SEPTIN14: variants seen among roughly 807,000 people sequenced by gnomAD.
SEPTIN14 encodes the protein septin 14.
In SEPTIN14, 40 loss-of-function variants were observed where a neutral mutation model predicts 53.6. That is an observed-to-expected ratio of 0.75 (90% CI 0.58 to 0.97). The LOEUF is 0.97. SEPTIN14 is among the 50% of genes least tolerant of loss of function. The probability of loss-of-function intolerance (pLI) is 0.00; values close to 1 mark genes in which losing one functional copy is unlikely to be tolerated. For missense variants in SEPTIN14, 471 were observed against 508.2 expected, an observed-to-expected ratio of 0.93 and a Z score of 0.70; for synonymous variants, 138 against 166.8, an observed-to-expected ratio of 0.83 and a Z score of 1.33.
chr7:55,847,767 G>T (rs1257347689), intron 2 of SEPTIN14, among the ~76,000 whole-genome samples: 1 of 152,062 alleles, frequency 6.6e-6, no homozygotes, highest in Non-Finnish European at 1.5e-5. Flanking sequence ...ACCCTCTGAG[G>T]ACTTGTGTTA....
Position 55,819,227 on chromosome 7 carries a change from G to A in SEPTIN14, c.721-4C>T, listed in dbSNP as rs773160433. 4.6e-6 allele frequency: 7 copies of A among 1,532,518 alleles called. No individual in the cohort carries two copies. The South Asian group carries it at 4.8e-5, about 10-fold the overall frequency. The allele number at this position is 1,532,518 out of a possible 1,614,324, so 94.9% of individuals were successfully genotyped here. A position where few individuals can be genotyped will look rare whatever the true frequency, so the allele number is the denominator to read the frequency against. On this transcript the variant is annotated splice_polypyrimidine_tract_variant and splice_region_variant and intron_variant, in intron 6 of 9. Coordinates refer to ENST00000388975, the MANE Select transcript of SEPTIN14 (RefSeq NM_207366.3). ...CCACAGCAAAGGGTAACAGCCCCTA[G>A]AAAACAAGAATGACATGAATTGAAT...
chr7:55,829,458 T>A (rs1789054019), intron 6 of SEPTIN14, among the ~76,000 whole-genome samples: 2 of 150,884 alleles, frequency 1.3e-5, no homozygotes, highest in African/African-American at 4.9e-5. Context: ...GACAGAAGAT[T>A]CAAGTAAGCA....
chr7:55,799,789 G>A (rs2115949420), intron 9 of SEPTIN14, among the ~76,000 whole-genome samples: 1 of 152,212 alleles, frequency 6.6e-6, no homozygotes, highest in African/African-American at 2.4e-5. Flanking sequence ...TATGAGAACA[G>A]TAGGGGACTA....
chr7:55,837,924 C>A (rs1789238795), intron 5 of SEPTIN14, among the ~76,000 whole-genome samples: 1 of 152,122 alleles, frequency 6.6e-6, no homozygotes, highest in African/African-American at 2.4e-5. Context: ...ACATTTTTCC[C>A]AAGGTCACAG....
intron 6 of SEPTIN14, among the ~76,000 whole-genome samples, chr7:55,830,353 T>A (rs1204366263): frequency 8.0e-5 from 9 of 112,408 alleles, no homozygotes; most frequent in African/African-American, 2.6e-4. Flanking sequence ...ATATATATTT[T>A]TTTTTTTTTT....
intron 5 of SEPTIN14, among the ~76,000 whole-genome samples, chr7:55,841,213 A>G (rs1050645642): frequency 3.3e-5 from 5 of 152,088 alleles, no homozygotes; most frequent in Non-Finnish European, 5.9e-5. Context: ...CTGGCTATTT[A>G]GAGATCTATT....
In SEPTIN14 at chr7:55,807,263, T is replaced by C. The variant is rs372902809; in HGVS notation, c.818-5A>G. 1.6e-5 allele frequency: 25 copies of C among 1,556,310 alleles called. No individual in the cohort carries two copies. The highest frequency in any genetic ancestry group is 2.4e-5 in the South Asian group (2 of 83,090). ...CACAGTGATTTTCATTTTCCACTAG[T>C]AAAAAAATAATAATGAATCAACAAC... On this transcript the variant is annotated splice_region_variant and splice_polypyrimidine_tract_variant and intron_variant, in intron 7 of 9. Coordinates refer to ENST00000388975, the MANE Select transcript of SEPTIN14 (RefSeq NM_207366.3).
chr7:55,811,225 TG>T, intron 7 of SEPTIN14: 2 of 528,956 alleles, frequency 3.8e-6, no homozygotes, highest in Non-Finnish European at 3.8e-6. Context: ...CGCAGTGCCT[TG>T]GGGAGCCGCA....
intron 6 of SEPTIN14, among the ~76,000 whole-genome samples, chr7:55,822,022 C>A (rs949900199): frequency 1.3e-5 from 2 of 152,122 alleles, no homozygotes; most frequent in African/African-American, 4.8e-5. Flanking sequence ...CCCTGATAAA[C>A]CTGTCAGATC....
chr7:55,807,921 C>T lies in SEPTIN14; in HGVS notation c.818-663G>A, dbSNP rs147462109. 3.1e-4 allele frequency among the ~76,000 whole-genome samples: 47 copies of T among 152,050 alleles called. 2 individuals are homozygous for T. Among genetic ancestry groups the T allele is most frequent in the African/African-American group, 1.0e-3 (42 of 41,478 alleles). On this transcript the variant is annotated intron_variant, in intron 7 of 9. Transcript: ENST00000388975. ...TGTAAAATGATATAAAGAAGGTCAT[C>T]ATATCATGATGAAGAGGTCAGTTCA...
At chr7:55,830,321 G>GTATATATATATATATATA (rs746498199) in intron 6 of SEPTIN14, among the ~76,000 whole-genome samples, 3 of 84,720 alleles carry the variant, frequency 3.5e-5, no homozygotes, top group African/African-American at 1.6e-4. Flanking sequence ...TTATCCAACT[G>GTATATATATATATATATA]TATATATATA....
chr7:55,832,861 G>C (rs1789134030), intron 6 of SEPTIN14, among the ~76,000 whole-genome samples: 5 of 150,994 alleles, frequency 3.3e-5, no homozygotes, highest in Admixed American at 3.3e-4. Context: ...AAAAAAAAAT[G>C]ATCTGTTGGG....
At chr7:55,804,269 T>C (rs542638212) in intron 9 of SEPTIN14, among the ~76,000 whole-genome samples, 2 of 149,718 alleles carry the variant, frequency 1.3e-5, no homozygotes, top group Admixed American at 1.3e-4. Context: ...TTTTTTTTGT[T>C]TTTTTTTTTT....
intron 2 of SEPTIN14, among the ~76,000 whole-genome samples, chr7:55,849,853 G>A (rs1320795491): frequency 2.6e-5 from 4 of 152,124 alleles, no homozygotes; most frequent in Non-Finnish European, 5.9e-5. Flanking sequence ...TTAGACTACT[G>A]TGAACACATT....
At chr7:55,829,044 T>C (rs1013144687) in intron 6 of SEPTIN14, among the ~76,000 whole-genome samples, 1 of 151,950 alleles carries the variant, frequency 6.6e-6, no homozygotes, top group Admixed American at 6.6e-5. Flanking sequence ...TCTGTGTTAG[T>C]TCAAAAAACC....
intron 7 of SEPTIN14, 59 bp downstream of exon 7, chr7:55,819,068 T>C: frequency 2.2e-6 from 2 of 926,626 alleles, no homozygotes; most frequent in African/African-American, 1.6e-5. Context: ...TTTGAGACTA[T>C]GAGTGATACA....
At chr7:55,816,942 A>G (rs1788803433) in intron 7 of SEPTIN14, among the ~76,000 whole-genome samples, 1 of 152,226 alleles carries the variant, frequency 6.6e-6, no homozygotes, top group Non-Finnish European at 1.5e-5. Context: ...TAGGATAACC[A>G]TTATGAAAAA....
chr7:55,796,075 C>T lies in SEPTIN14; in HGVS notation c.1137G>A (p.Glu379=). ...CCTCCTGTTGAATCATTTTAAGATG[C>T]TCGAACTTGTCCTGCAGCTGTGAAA... ...EAEKELQDKF[E]HLKMIQQEEI... The change falls in exon 10 of 10, where the codon GAG becomes GAA. Residue 379 remains glutamate (E), a synonymous_variant. Coordinates refer to ENST00000388975, the MANE Select transcript of SEPTIN14 (RefSeq NM_207366.3). 1.3e-6 allele frequency: 2 copies of T among 1,527,838 alleles called. No individual in the cohort carries two copies. The highest frequency in any genetic ancestry group is 1.8e-6 in the Non-Finnish European group (2 of 1,118,092). The allele number at this position is 1,527,838 out of a possible 1,614,324, so 94.6% of individuals were successfully genotyped here. A position where few individuals can be genotyped will look rare whatever the true frequency, so the allele number is the denominator to read the frequency against.
intron 5 of SEPTIN14, among the ~76,000 whole-genome samples, chr7:55,839,238 A>C (rs1200029724): frequency 6.6e-6 from 1 of 151,940 alleles, no homozygotes; most frequent in East Asian, 1.9e-4. Flanking sequence ...AAGTACAAAA[A>C]ATTAGCCGGG....
Sources: gnomAD v4.1 joint callset for allele counts (sites outside exome capture counted in the v4.1 genomes callset) on GRCh38, gnomAD v4.1.1 for gene constraint, MANE v1.5 for transcripts, NCBI Gene and HGNC (gene_info 2026-07-23, HGNC 2026-07-21) for gene names.